The following POU2F1 variants were observed in gnomAD, a reference collection of about 807,000 sequenced individuals.
The protein encoded by POU2F1 is POU domain, class 2, transcription factor 1.
A neutral mutation model predicts 84.9 loss-of-function variants in POU2F1; 16 were observed. The ratio of observed to expected loss-of-function variants is 0.19; its 90% CI spans 0.13 to 0.29. POU2F1 has a LOEUF of 0.29. POU2F1 is among the 10% of genes least tolerant of loss of function. The pLI is 1.00. For missense variants in POU2F1, 738 were observed against 942.6 expected, an observed-to-expected ratio of 0.78 and a Z score of 2.84; for synonymous variants, 368 against 368.3, an observed-to-expected ratio of 1.00 and a Z score of 0.01.
chr1:167,391,204 T>C (rs1218961670), intron 9 of POU2F1, among the ~76,000 whole-genome samples: 1 of 152,134 alleles, frequency 6.6e-6, no homozygotes, highest in Non-Finnish European at 1.5e-5. Flanking sequence ...CCTCCCAAAG[T>C]GCTAGGATTA....
intron 1 of POU2F1, among the ~76,000 whole-genome samples, chr1:167,233,277 C>T (rs1649201961): frequency 1.3e-5 from 2 of 151,752 alleles, no homozygotes; most frequent in South Asian, 4.2e-4. Context: ...GCTGGTACCA[C>T]AGGCGCACGC....
At chr1:167,297,442 C>T (rs1654359782) in intron 1 of POU2F1, among the ~76,000 whole-genome samples, 1 of 152,182 alleles carries the variant, frequency 6.6e-6, no homozygotes, top group Non-Finnish European at 1.5e-5. Flanking sequence ...AAAATAACTG[C>T]CAGCAGCAGC....
intron 1 of POU2F1, among the ~76,000 whole-genome samples, chr1:167,302,818 A>G (rs976426039): frequency 3.3e-5 from 5 of 152,164 alleles, no homozygotes; most frequent in Non-Finnish European, 7.4e-5. Flanking sequence ...TAGTACAAGT[A>G]TATGTTAAAT....
At chr1:167,324,067 T>A (rs1361214378) in intron 1 of POU2F1, among the ~76,000 whole-genome samples, 1 of 152,114 alleles carries the variant, frequency 6.6e-6, no homozygotes, top group African/African-American at 2.4e-5. Flanking sequence ...CTGTGAAAAT[T>A]AAGTTAAATG....
intron 1 of POU2F1, among the ~76,000 whole-genome samples, chr1:167,280,108 C>T (rs751013644): frequency 1.1e-4 from 17 of 150,754 alleles, no homozygotes; most frequent in East Asian, 3.9e-4. Context: ...GCAGGAGAAT[C>T]GCTCGAACCC....
chr1:167,404,059 A>G (rs13374927), intron 13 of POU2F1, among the ~76,000 whole-genome samples: 1,624 of 152,144 alleles, frequency 0.011, 29 homozygotes, highest in African/African-American at 0.037. Context: ...AAAATCTTAT[A>G]CTGTTCTAAA....
chr1:167,237,479 T>C (rs1305165849), intron 1 of POU2F1, among the ~76,000 whole-genome samples: 2 of 152,074 alleles, frequency 1.3e-5, no homozygotes, highest in Admixed American at 6.6e-5. Context: ...TGTATTTTCT[T>C]TTTCATCTGC....
At chr1:167,317,285 T>A (rs1459571993) in intron 1 of POU2F1, among the ~76,000 whole-genome samples, 3 of 152,250 alleles carry the variant, frequency 2.0e-5, no homozygotes, top group Non-Finnish European at 2.9e-5. Context: ...CTCCCTGGAA[T>A]GTTCACAGTT....
In POU2F1 at chr1:167,372,075, G is replaced by A. The variant is rs945011899; in HGVS notation, c.402+39G>A. The A allele has an allele frequency of 3.8e-6, 6 of 1,590,450 alleles. No homozygotes were observed. In the African/African-American group the frequency reaches 8.1e-5, roughly 21 times the overall value. On this transcript the variant is annotated intron_variant, in intron 5 of 15. Coordinates refer to ENST00000367866, the MANE Select transcript of POU2F1 (RefSeq NM_002697.4). ...GAGAGAATTATAACAAACTTTTTCT[G>A]TGTCAGAACTGCCATTGGCCAATAG...
chr1:167,277,720 A>G (rs756779300), intron 1 of POU2F1, among the ~76,000 whole-genome samples: 4 of 151,988 alleles, frequency 2.6e-5, no homozygotes, highest in Non-Finnish European at 4.4e-5. Flanking sequence ...CTCAGTTACT[A>G]CTCGCTGATG....
intron 1 of POU2F1, among the ~76,000 whole-genome samples, chr1:167,242,349 C>T (rs1269509198): frequency 2.0e-5 from 3 of 152,160 alleles, no homozygotes; most frequent in African/African-American, 7.2e-5. Flanking sequence ...AAGTGTATAC[C>T]TTTGGAAAAT....
chr1:167,318,093 G>A (rs1656046088), intron 1 of POU2F1, among the ~76,000 whole-genome samples: 1 of 152,108 alleles, frequency 6.6e-6, no homozygotes, highest in African/African-American at 2.4e-5. Context: ...CGTGTGCCTG[G>A]GATGCTTTAA....
At chr1:167,252,541 C>A (rs1650808024) in intron 1 of POU2F1, among the ~76,000 whole-genome samples, 1 of 152,180 alleles carries the variant, frequency 6.6e-6, no homozygotes, top group Non-Finnish European at 1.5e-5. Context: ...ATTTTTCTCA[C>A]TGAAGGGGAA....
intron 2 of POU2F1, among the ~76,000 whole-genome samples, chr1:167,339,940 A>G (rs1437106613): frequency 1.3e-5 from 2 of 152,216 alleles, no homozygotes; most frequent in Non-Finnish European, 2.9e-5. Flanking sequence ...AGATTATCTC[A>G]TTTAATCCTT....
intron 1 of POU2F1, among the ~76,000 whole-genome samples, chr1:167,315,379 A>T (rs1011809179): frequency 6.6e-6 from 1 of 152,172 alleles, no homozygotes; most frequent in East Asian, 1.9e-4. Context: ...TTGACTTGTC[A>T]TCCTCTTTAC....
chr1:167,360,266 C>T (rs532994837), intron 2 of POU2F1, among the ~76,000 whole-genome samples: 2 of 152,202 alleles, frequency 1.3e-5, no homozygotes, highest in Non-Finnish European at 2.9e-5. Flanking sequence ...GTCATAAATT[C>T]TTTGCTTAGG....
At chr1:167,335,469 A>C (rs1445934537) in intron 2 of POU2F1, among the ~76,000 whole-genome samples, 4 of 152,210 alleles carry the variant, frequency 2.6e-5, no homozygotes, top group Non-Finnish European at 5.9e-5. Context: ...GTCTAGGATC[A>C]GAAGTGCAGA....
chr1:167,337,648 C>T (rs562736816), intron 2 of POU2F1, among the ~76,000 whole-genome samples: 64 of 151,246 alleles, frequency 4.2e-4, no homozygotes, highest in African/African-American at 1.4e-3. Flanking sequence ...CACCTGTAAC[C>T]GCACCATAGC....
chr1:167,281,150 G>T (rs1653107102), intron 1 of POU2F1, among the ~76,000 whole-genome samples: 1 of 152,180 alleles, frequency 6.6e-6, no homozygotes, highest in Non-Finnish European at 1.5e-5. Context: ...TTATAGACCG[G>T]TCTTAACTTA....
Sources: gnomAD v4.1 joint callset for allele counts (sites outside exome capture counted in the v4.1 genomes callset) on GRCh38, gnomAD v4.1.1 for gene constraint, MANE v1.5 for transcripts, NCBI Gene and HGNC (gene_info 2026-07-23, HGNC 2026-07-21) for gene names.